KCNMA1: variants seen among roughly 807,000 people sequenced by gnomAD.
KCNMA1 encodes the protein Calcium-activated potassium channel subunit alpha-1.
KCNMA1 carries 29 observed loss-of-function variants against 140.0 expected under a neutral mutation model. That is an observed-to-expected ratio of 0.21 (90% CI 0.15 to 0.28). The LOEUF (loss-of-function observed/expected upper bound fraction) is 0.28. Among genes scored for constraint, KCNMA1 ranks in the 10% least tolerant of loss-of-function variants. The pLI is 1.00. For synonymous variants in KCNMA1, 612 were observed against 611.9 expected (o/e 1.00, Z 0.00); for missense variants, 880 against 1,602.2 (o/e 0.55, Z 7.70).
At chr10:77,473,583 A>G (rs918780035) in intron 1 of KCNMA1, among the ~76,000 whole-genome samples, 7 of 152,204 alleles carry the variant, frequency 4.6e-5, no homozygotes, top group African/African-American at 1.7e-4. Flanking sequence ...CCGTGGATGG[A>G]AACAGGCTCC....
intron 3 of KCNMA1, among the ~76,000 whole-genome samples, chr10:77,185,215 C>T (rs1407122177): frequency 2.6e-5 from 4 of 151,526 alleles, no homozygotes; most frequent in Non-Finnish European, 5.9e-5. Context: ...ATGCAGATAC[C>T]CTGGAGGAAG....
rs375621332 is a variant in KCNMA1 at position 76,971,602 on chromosome 10, C to T, written c.2267-1535G>A. 1.8e-4 allele frequency among the ~76,000 whole-genome samples: 27 copies of T among 152,140 alleles called. No individual in the cohort carries two copies. In the South Asian group the frequency reaches 4.8e-3, roughly 27 times the overall value. The stretch of plus-strand genomic sequence containing the variant: ...ACCAGAAGAGATGAAGGCAAGAAAG[C>T]ACCTGCAAACACCCACAGCCGACCC... On this transcript the variant is annotated intron_variant, in intron 19 of 27. Transcript: ENST00000286628.
At chr10:77,076,024 A>C (rs1033725771) in intron 13 of KCNMA1, among the ~76,000 whole-genome samples, 2 of 152,210 alleles carry the variant, frequency 1.3e-5, no homozygotes, top group Non-Finnish European at 2.9e-5. Context: ...GGAACTGGAA[A>C]TACGCTGTCC....
chr10:77,011,282 C>A (rs1370076577), intron 18 of KCNMA1, among the ~76,000 whole-genome samples: 1 of 152,158 alleles, frequency 6.6e-6, no homozygotes, highest in Non-Finnish European at 1.5e-5. Context: ...TCTGGACTCA[C>A]TATATCTTTC....
intron 2 of KCNMA1, among the ~76,000 whole-genome samples, chr10:77,279,564 C>T (rs1290544091): frequency 6.6e-6 from 1 of 152,170 alleles, no homozygotes; most frequent in African/African-American, 2.4e-5. Flanking sequence ...CAAGCCCAAA[C>T]GTCACACAGC....
rs551875552 is a variant in KCNMA1 at position 77,013,170 on chromosome 10, G to T, written c.2016-1127C>A. ...TCCTTTTTATGTTTTCACAGGACTT[G>T]ATTTATAATTGGCACTCATTGGAAA... On this transcript the variant is annotated intron_variant, in intron 17 of 27. Coordinates refer to ENST00000286628, the MANE Select transcript of KCNMA1 (RefSeq NM_001161352.2). 3.3e-5 allele frequency among the ~76,000 whole-genome samples: 5 copies of T among 152,300 alleles called. No homozygotes were observed. The South Asian group carries it at 1.0e-3, about 32-fold the overall frequency.
intron 1 of KCNMA1, among the ~76,000 whole-genome samples, chr10:77,631,439 C>T (rs1450528060): frequency 6.6e-6 from 1 of 152,228 alleles, no homozygotes; most frequent in Non-Finnish European, 1.5e-5. Flanking sequence ...ACAGCACAAA[C>T]AGCCCTTTCA....
intron 9 of KCNMA1, among the ~76,000 whole-genome samples, chr10:77,098,033 T>G (rs2096981445): frequency 6.6e-6 from 1 of 152,220 alleles, no homozygotes. Flanking sequence ...CTTTGCATCT[T>G]ATCGCATGCA....
chr10:77,225,486 A>G (rs2051023582), intron 3 of KCNMA1, among the ~76,000 whole-genome samples: 1 of 152,170 alleles, frequency 6.6e-6, no homozygotes, highest in Admixed American at 6.5e-5. Flanking sequence ...TTCTGAAGTC[A>G]CAGCAAAAAC....
At chr10:77,500,255 A>C (rs1384526541) in intron 1 of KCNMA1, among the ~76,000 whole-genome samples, 1 of 150,654 alleles carries the variant, frequency 6.6e-6, no homozygotes, top group Non-Finnish European at 1.5e-5. Flanking sequence ...TATATGCAAT[A>C]ATATATAATA....
intron 1 of KCNMA1, among the ~76,000 whole-genome samples, chr10:77,441,071 C>T (rs2154513224): frequency 6.6e-6 from 1 of 152,182 alleles, no homozygotes; most frequent in East Asian, 1.9e-4. Context: ...GATCCACCTT[C>T]CTTGACCTCC....
At chr10:77,158,379 A>C (rs2098513846) in intron 5 of KCNMA1, among the ~76,000 whole-genome samples, 1 of 152,198 alleles carries the variant, frequency 6.6e-6, no homozygotes, top group African/African-American at 2.4e-5. Context: ...GGATTCAGAG[A>C]CTATAGCTTG....
chr10:77,042,735 C>T (rs1240715980), intron 14 of KCNMA1, among the ~76,000 whole-genome samples: 2 of 152,076 alleles, frequency 1.3e-5, no homozygotes, highest in Non-Finnish European at 2.9e-5. Context: ...ATTCTTTATA[C>T]CAAATTTTAT....
At chr10:77,391,789 C>A (rs1359738952) in intron 2 of KCNMA1, among the ~76,000 whole-genome samples, 1 of 151,930 alleles carries the variant, frequency 6.6e-6, no homozygotes, top group African/African-American at 2.4e-5. Flanking sequence ...TTGGAAGCAT[C>A]AGCTTGCGTG....
intron 17 of KCNMA1, among the ~76,000 whole-genome samples, chr10:77,018,362 G>A (rs1284650992): frequency 6.6e-6 from 1 of 152,160 alleles, no homozygotes; most frequent in South Asian, 2.1e-4. Flanking sequence ...TCATAAGATA[G>A]AATCAAATAC....
At chr10:77,213,225 C>G (rs1480631220) in intron 3 of KCNMA1, among the ~76,000 whole-genome samples, 1 of 152,140 alleles carries the variant, frequency 6.6e-6, no homozygotes, top group Non-Finnish European at 1.5e-5. Flanking sequence ...ACGGCTCTAA[C>G]CCTGGCTGAA....
chr10:77,215,460 T>C (rs1393425880), intron 3 of KCNMA1, among the ~76,000 whole-genome samples: 1 of 151,440 alleles, frequency 6.6e-6, no homozygotes, highest in African/African-American at 2.4e-5. Context: ...CTGATTACAT[T>C]TATTGTTTTA....
chr10:76,922,502 A>T (rs565218757), intron 23 of KCNMA1, among the ~76,000 whole-genome samples: 21 of 152,254 alleles, frequency 1.4e-4, no homozygotes, highest in African/African-American at 4.3e-4. Context: ...TCCTGGCCAC[A>T]TCATCAGTTT....
At chr10:77,212,299 A>G (rs968077381) in intron 3 of KCNMA1, among the ~76,000 whole-genome samples, 2 of 152,250 alleles carry the variant, frequency 1.3e-5, no homozygotes, top group Non-Finnish European at 2.9e-5. Context: ...CTTTTGTGGT[A>G]ACGGGAATGG....
Sources: gnomAD v4.1 joint callset for allele counts (sites outside exome capture counted in the v4.1 genomes callset) on GRCh38, gnomAD v4.1.1 for gene constraint, MANE v1.5 for transcripts, NCBI Gene and HGNC (gene_info 2026-07-23, HGNC 2026-07-21) for gene names.